The following IL1RAPL2 variants were observed in gnomAD, a reference collection of about 807,000 sequenced individuals.
The protein encoded by IL1RAPL2 is interleukin 1 receptor accessory protein like 2, also known as X-linked interleukin-1 receptor accessory protein-like 2.
A neutral mutation model predicts 44.1 loss-of-function variants in IL1RAPL2; 3 were observed. That is an observed-to-expected ratio of 0.07 (90% CI 0.03 to 0.18). The LOEUF (loss-of-function observed/expected upper bound fraction) is 0.18, where lower values mean the gene tolerates loss of function less well. Ranked by LOEUF, IL1RAPL2 falls within the 10% of genes least tolerant of loss-of-function variation. The pLI is 1.00. For missense variants in IL1RAPL2, 391 were observed against 496.4 expected (o/e 0.79, Z 2.02); for synonymous variants, 181 against 178.8 (o/e 1.01, Z -0.10).
chrX:105,144,437 G>A (rs1003104847), intron 2 of IL1RAPL2, among the ~76,000 whole-genome samples: 3 of 110,931 alleles, frequency 2.7e-5, no homozygotes, highest in African/African-American at 6.6e-5. Flanking sequence ...GTTCAAACTC[G>A]TAGTTAAGAT....
intron 2 of IL1RAPL2, among the ~76,000 whole-genome samples, chrX:105,108,511 T>A (rs1344075838): frequency 1.8e-4 from 3 of 16,943 alleles, no homozygotes; most frequent in African/African-American, 8.4e-4. Context: ...TTTTTTTTTT[T>A]TTGTATTTTT....
At chrX:105,298,087 A>G (rs1377352626) in intron 5 of IL1RAPL2, among the ~76,000 whole-genome samples, 2 of 111,391 alleles carry the variant, frequency 1.8e-5, no homozygotes, top group African/African-American at 6.5e-5. Context: ...GATAAAATCA[A>G]GCCAATTAAC....
At chrX:105,581,657 T>G (rs1343827359) in intron 6 of IL1RAPL2, among the ~76,000 whole-genome samples, 1 of 111,230 alleles carries the variant, frequency 9.0e-6, no homozygotes, top group Admixed American at 9.6e-5. Flanking sequence ...TCAAACTACA[T>G]CTCTGCTATT....
At chrX:104,776,916 T>A (rs1846858079) in intron 2 of IL1RAPL2, among the ~76,000 whole-genome samples, 1 of 111,920 alleles carries the variant, frequency 8.9e-6, no homozygotes, top group South Asian at 3.7e-4. Context: ...GCTCTTTTTC[T>A]GTTCCAGGAT....
At chrX:105,091,475 A>G (rs1055719235) in intron 2 of IL1RAPL2, among the ~76,000 whole-genome samples, 32 of 111,277 alleles carry the variant, frequency 2.9e-4, no homozygotes, top group Non-Finnish European at 3.4e-4. Flanking sequence ...TTTTCCCAGG[A>G]TTGTTCCAAG....
Position 105,007,137 on chromosome X carries a change from C to T in IL1RAPL2, c.83-188338C>T, listed in dbSNP as rs60782956. ...AAGATAAGTGAGGGGGATAATGAAA[C>T]TGAAAGAAATGAAGTTACTTGTCTT... On this transcript the variant is annotated intron_variant, in intron 2 of 10. Coordinates refer to ENST00000372582, the MANE Select transcript of IL1RAPL2 (RefSeq NM_017416.2). Among the ~76,000 whole-genome samples, 311 of 111,105 alleles carry T rather than the reference C, an allele frequency of 2.8e-3. 2 individuals are homozygous for T. The highest frequency in any genetic ancestry group is 9.6e-3 in the African/African-American group (294 of 30,713).
intron 5 of IL1RAPL2, among the ~76,000 whole-genome samples, chrX:105,357,102 G>A (rs768716353): frequency 9.0e-6 from 1 of 111,494 alleles, no homozygotes; most frequent in African/African-American, 3.3e-5. Context: ...AGTTTTAAGA[G>A]CCAAAAAATC....
At chrX:105,686,380 C>CAAAAAAAAAAAAAAAA (rs1177667576) in intron 6 of IL1RAPL2, among the ~76,000 whole-genome samples, 34 of 25,159 alleles carry the variant, frequency 1.4e-3, no homozygotes, top group Admixed American at 2.1e-3. Flanking sequence ...AAATGGAAAG[C>CAAAAAAAAAAAAAAAA]AAAAAAAAAA....
At chrX:104,942,289 G>A (rs1226571641) in intron 2 of IL1RAPL2, among the ~76,000 whole-genome samples, 1 of 111,931 alleles carries the variant, frequency 8.9e-6, no homozygotes, top group African/African-American at 3.3e-5. Flanking sequence ...ATTAGCTTAG[G>A]CATTATTGCC....
At chrX:105,255,400 T>G (rs1440190689) in intron 4 of IL1RAPL2, among the ~76,000 whole-genome samples, 1 of 112,055 alleles carries the variant, frequency 8.9e-6, no homozygotes, top group East Asian at 2.8e-4. Context: ...AACATTTTTC[T>G]CATATTTTCA....
At chrX:105,040,933 T>A (rs766460605) in intron 2 of IL1RAPL2, among the ~76,000 whole-genome samples, 1 of 100,127 alleles carries the variant, frequency 1.0e-5, no homozygotes, top group South Asian at 4.8e-4. Flanking sequence ...TTTGAATGTG[T>A]TTGCTCTTGC....
chrX:104,896,252 A>G (rs186086832), intron 2 of IL1RAPL2, among the ~76,000 whole-genome samples: 1 of 111,641 alleles, frequency 9.0e-6, no homozygotes, highest in Non-Finnish European at 1.9e-5. Flanking sequence ...TGTTTCCTCT[A>G]GAATTGAGGC....
intron 5 of IL1RAPL2, among the ~76,000 whole-genome samples, chrX:105,336,033 G>A (rs1338241525): frequency 8.9e-6 from 1 of 112,003 alleles, no homozygotes; most frequent in Non-Finnish European, 1.9e-5. Context: ...AACTTTCATG[G>A]TTGTTATAAA....
At chrX:105,306,626 C>G (rs934156473) in intron 5 of IL1RAPL2, among the ~76,000 whole-genome samples, 1 of 111,374 alleles carries the variant, frequency 9.0e-6, no homozygotes, top group African/African-American at 3.3e-5. Flanking sequence ...CATGTTTCCT[C>G]CTAATTAGAT....
chrX:104,809,736 G>C (rs758956194), intron 2 of IL1RAPL2, among the ~76,000 whole-genome samples: 1 of 110,439 alleles, frequency 9.1e-6, no homozygotes. Flanking sequence ...AGTTTAGTTA[G>C]ATCCCATTTG....
chrX:105,566,937 T>G (rs1481193510), intron 6 of IL1RAPL2, among the ~76,000 whole-genome samples: 1 of 110,940 alleles, frequency 9.0e-6, no homozygotes, highest in African/African-American at 3.3e-5. Context: ...TGTCCTTTTG[T>G]TCTGCCCCAG....
intron 2 of IL1RAPL2, among the ~76,000 whole-genome samples, chrX:104,986,687 G>A (rs970467726): frequency 1.4e-4 from 16 of 112,226 alleles, no homozygotes; most frequent in Admixed American, 5.6e-4. Context: ...AGTAATATAA[G>A]TTGAATAAAG....
intron 6 of IL1RAPL2, among the ~76,000 whole-genome samples, chrX:105,507,467 A>T (rs2036439015): frequency 1.8e-5 from 2 of 111,382 alleles, no homozygotes; most frequent in South Asian, 7.4e-4. Flanking sequence ...CTGTCTTATT[A>T]CTCCCTTCCC....
At chrX:105,350,959 C>T (rs1426861258) in intron 5 of IL1RAPL2, among the ~76,000 whole-genome samples, 4 of 111,274 alleles carry the variant, frequency 3.6e-5, no homozygotes, top group Admixed American at 1.9e-4. Context: ...AAAAAGTTGC[C>T]GAAGGATATG....
Sources: allele counts gnomAD v4.1 joint callset (sites outside exome capture counted in the v4.1 genomes callset), GRCh38; gene constraint gnomAD v4.1.1; transcripts MANE v1.5; gene names NCBI Gene and HGNC (gene_info 2026-07-23, HGNC 2026-07-21).